The following BMPR1B variants were observed in gnomAD, a reference collection of about 807,000 sequenced individuals.
BMPR1B encodes bone morphogenetic protein receptor type-1B.
Under a neutral mutation model 59.1 loss-of-function variants are expected in BMPR1B, and 12 were observed. The observed-to-expected ratio is 0.20, with a 90% CI of 0.13 to 0.33. The LOEUF is 0.33. BMPR1B is among the 10% of genes least tolerant of loss of function. The pLI is 1.00. For synonymous variants in BMPR1B, 237 were observed against 207.3 expected (o/e 1.14, Z -1.23); for missense variants, 550 against 610.9 (o/e 0.90, Z 1.05).
chr4:94,867,558 A>G (rs181445682), intron 1 of BMPR1B, among the ~76,000 whole-genome samples: 6 of 152,278 alleles, frequency 3.9e-5, no homozygotes, highest in Admixed American at 1.3e-4. Flanking sequence ...TCACCTTGGA[A>G]TAGCCTTAGT....
chr4:94,926,693 TATA>T (rs1376654705), intron 2 of BMPR1B, among the ~76,000 whole-genome samples: 5 of 152,096 alleles, frequency 3.3e-5, no homozygotes, highest in African/African-American at 4.8e-5. Context: ...CTTACAGTGT[TATA>T]ATGATTTATA....
chr4:95,106,103 G>A (rs1194773817), intron 4 of BMPR1B, among the ~76,000 whole-genome samples: 1 of 152,022 alleles, frequency 6.6e-6, no homozygotes, highest in African/African-American at 2.4e-5. Flanking sequence ...AGCTTGGCGT[G>A]TTCAAAAGAA....
rs577437143 is a variant in BMPR1B, at chr4:95,031,477, T to C, written c.-18+35343T>C. Among the ~76,000 whole-genome samples the C allele has an allele frequency of 7.2e-5, 11 of 152,242 alleles. No homozygotes were observed. The South Asian group carries it at 1.9e-3, about 26-fold the overall frequency. On this transcript the variant is annotated intron_variant, in intron 3 of 12. Coordinates refer to ENST00000515059, the MANE Select transcript of BMPR1B (RefSeq NM_001203.3). ...GATATATTTTTTTTGAGACAGGGTC[T>C]TGCTGAGTTGCCCAGGCTGGAGTGC...
intron 2 of BMPR1B, among the ~76,000 whole-genome samples, chr4:94,939,133 C>A (rs1185459124): frequency 6.6e-6 from 1 of 152,114 alleles, no homozygotes; most frequent in Non-Finnish European, 1.5e-5. Context: ...GCTCTGACAT[C>A]CTAAATGGGA....
intron 3 of BMPR1B, among the ~76,000 whole-genome samples, chr4:95,082,410 G>A (rs949733190): frequency 6.6e-5 from 10 of 151,992 alleles, no homozygotes; most frequent in Admixed American, 6.6e-5. Context: ...AGTAGTTTGC[G>A]CTCAGGCAAA....
chr4:94,846,823 C>G (rs1351421217), intron 1 of BMPR1B, among the ~76,000 whole-genome samples: 7 of 139,438 alleles, frequency 5.0e-5, no homozygotes, highest in Non-Finnish European at 1.1e-4. Flanking sequence ...ACAAATCTGA[C>G]ACCCCAGACT....
chr4:94,958,605 T>A (rs1026546593), intron 2 of BMPR1B, among the ~76,000 whole-genome samples: 3 of 152,174 alleles, frequency 2.0e-5, no homozygotes, highest in African/African-American at 7.2e-5. Flanking sequence ...CAGCCTTGTT[T>A]TAACATAATT....
At chr4:95,036,704 C>CTTTTTTTTTT (rs5860386) in intron 3 of BMPR1B, among the ~76,000 whole-genome samples, 2 of 128,094 alleles carry the variant, frequency 1.6e-5, no homozygotes, top group African/African-American at 3.0e-5. Context: ...ATACAATTTC[C>CTTTTTTTTTT]TTTTTTTTTT....
intron 3 of BMPR1B, among the ~76,000 whole-genome samples, chr4:95,060,740 G>A (rs1727300598): frequency 6.6e-6 from 1 of 152,116 alleles, no homozygotes; most frequent in Non-Finnish European, 1.5e-5. Flanking sequence ...CTCATCCCCA[G>A]TTATATTAAA....
At chr4:94,907,505 T>C (rs1345218199) in intron 2 of BMPR1B, among the ~76,000 whole-genome samples, 1 of 152,042 alleles carries the variant, frequency 6.6e-6, no homozygotes, top group Admixed American at 6.6e-5. Context: ...CGGTCCTTTC[T>C]GTCTGTCCAA....
rs549268647 is a variant in BMPR1B at position 95,133,950 on chromosome 4, C to T, written c.1076+2438C>T. Among the ~76,000 whole-genome samples, 7 of 151,706 alleles carry T rather than the reference C, an allele frequency of 4.6e-5. No homozygotes were observed. In the East Asian group the frequency reaches 1.2e-3, roughly 25 times the overall value. On this transcript the variant is annotated intron_variant, in intron 10 of 12. Coordinates refer to ENST00000515059, the MANE Select transcript of BMPR1B (RefSeq NM_001203.3). ...CGTGCAGGTTTGTTACATATGTATA[C>T]GTGTGCCATGTTGGTGTGATGCACC...
chr4:95,044,736 A>C (rs143676556), intron 3 of BMPR1B, among the ~76,000 whole-genome samples: 214 of 152,218 alleles, frequency 1.4e-3, no homozygotes, highest in African/African-American at 5.0e-3. Flanking sequence ...TTGGGTTGTT[A>C]ATGACTAGTG....
intron 1 of BMPR1B, among the ~76,000 whole-genome samples, chr4:94,836,933 G>T (rs1450136621): frequency 6.8e-6 from 1 of 148,052 alleles, no homozygotes; most frequent in Admixed American, 6.7e-5. Context: ...ATTGATTTTT[G>T]TATAAGGTGT....
intron 3 of BMPR1B, among the ~76,000 whole-genome samples, chr4:95,059,833 A>G (rs1159307949): frequency 1.3e-5 from 2 of 152,186 alleles, no homozygotes; most frequent in African/African-American, 4.8e-5. Context: ...CTTGCCAACA[A>G]TAATATAACA....
chr4:94,788,630 T>C (rs529932123), intron 1 of BMPR1B, among the ~76,000 whole-genome samples: 1 of 152,092 alleles, frequency 6.6e-6, no homozygotes, highest in Non-Finnish European at 1.5e-5. Flanking sequence ...AATCATACCT[T>C]GGTTTACTAA....
intron 1 of BMPR1B, among the ~76,000 whole-genome samples, chr4:94,807,789 AT>A (rs1399773217): frequency 2.6e-5 from 4 of 152,040 alleles, no homozygotes; most frequent in African/African-American, 9.7e-5. Context: ...GGTTCAAGAG[AT>A]TTTTGTGCCT....
At chr4:94,808,792 C>T (rs1409189914) in intron 1 of BMPR1B, among the ~76,000 whole-genome samples, 2 of 152,154 alleles carry the variant, frequency 1.3e-5, no homozygotes, top group Non-Finnish European at 2.9e-5. Flanking sequence ...CGCAGTGGCT[C>T]ACAGCTGTAA....
At chr4:94,957,664 T>C (rs899591210) in intron 2 of BMPR1B, among the ~76,000 whole-genome samples, 1 of 152,138 alleles carries the variant, frequency 6.6e-6, no homozygotes, top group African/African-American at 2.4e-5. Context: ...TTCATTTTTA[T>C]GTAAGTCTCA....
chr4:95,148,974 CCTTT>C (rs751457466), intron 11 of BMPR1B, 51 bp downstream of exon 11: 2 of 1,599,378 alleles, frequency 1.3e-6, no homozygotes, highest in Non-Finnish European at 1.7e-6. Flanking sequence ...TACTATAAAT[CCTTT>C]CTTTCTGATC....
Sources: gnomAD v4.1 joint callset for allele counts (sites outside exome capture counted in the v4.1 genomes callset) on GRCh38, gnomAD v4.1.1 for gene constraint, MANE v1.5 for transcripts, NCBI Gene and HGNC (gene_info 2026-07-23, HGNC 2026-07-21) for gene names.